The following NAMPT variants were observed in gnomAD, a reference collection of about 807,000 sequenced individuals.
NAMPT encodes NAmPRTase.
In NAMPT, 7 loss-of-function variants were observed where a neutral mutation model predicts 58.7. That is an observed-to-expected ratio of 0.12 (90% CI 0.07 to 0.22). The LOEUF (loss-of-function observed/expected upper bound fraction) is 0.22. Ranked by LOEUF, NAMPT falls within the 10% of genes least tolerant of loss-of-function variation. The pLI, the probability that NAMPT is intolerant of heterozygous loss-of-function variation, is 1.00. For missense variants in NAMPT, 271 were observed against 567.9 expected, an observed-to-expected ratio of 0.48 and a Z score of 5.31; for synonymous variants, 145 against 198.1, an observed-to-expected ratio of 0.73 and a Z score of 2.25.
upstream of NAMPT, chr7:106,285,634 G>C (rs985791629): frequency 1.0e-6 from 1 of 985,152 alleles, no homozygotes. Context: ...GATCCCAGGA[G>C]CTGCGGTGAG....
In NAMPT at chr7:106,268,278, G is replaced by A. The variant is rs969946631; in HGVS notation, c.743+186C>T. On this transcript the variant is annotated intron_variant, in intron 6 of 10. Transcript: ENST00000222553. ...GCTCTTAAACTGTTTCTTCTAGCAT[G>A]GATAAAATTTCTCTGCCTCTCTAAG... 91 of 501,866 alleles carry A rather than the reference G, an allele frequency of 1.8e-4. No individual in the cohort carries two copies. In the Middle Eastern group the frequency reaches 2.1e-3, roughly 12 times the overall value. 31.1% of individuals were successfully genotyped at this position (501,866 alleles called of 1,614,324 possible).
chr7:106,281,738 TAAAC>T (rs1158631840), intron 1 of NAMPT, among the ~76,000 whole-genome samples: 3 of 152,188 alleles, frequency 2.0e-5, no homozygotes, highest in Admixed American at 1.3e-4. Flanking sequence ...TACTCACTCA[TAAAC>T]ATGACTTAAG....
At chr7:106,284,697 G>A (rs894793524) in intron 1 of NAMPT, 131 bp downstream of exon 1, 83 of 1,063,192 alleles carry the variant, frequency 7.8e-5, no homozygotes, top group Non-Finnish European at 9.2e-5. Flanking sequence ...GCCTCCCCCG[G>A]GCCTCCCCGC....
intron 6 of NAMPT, among the ~76,000 whole-genome samples, chr7:106,265,753 G>C (rs1414345182): frequency 6.6e-6 from 1 of 151,910 alleles, no homozygotes; most frequent in Non-Finnish European, 1.5e-5. Flanking sequence ...TATTCTTCTA[G>C]TACAGTATGT....
chr7:106,265,567 TAAAAAAA>T (rs35685666), intron 6 of NAMPT, among the ~76,000 whole-genome samples: 1 of 116,458 alleles, frequency 8.6e-6, no homozygotes, highest in East Asian at 2.3e-4. Context: ...CTCAAAAGCT[TAAAAAAA>T]AAAAAAAAAA....
chr7:106,252,974 AACCT>A, intron 10 of NAMPT, 39 bp downstream of exon 10: 1 of 1,587,452 alleles, frequency 6.3e-7, no homozygotes, highest in Non-Finnish European at 8.6e-7. Context: ...TTGGTGAGCC[AACCT>A]ACTATTGCTT....
chr7:106,265,509 A>C (rs1792392800), intron 6 of NAMPT, among the ~76,000 whole-genome samples: 1 of 148,044 alleles, frequency 6.8e-6, no homozygotes. Context: ...TATTTCTCAT[A>C]GTTCTGACTT....
chr7:106,275,185 C>T (rs757689782), intron 2 of NAMPT, 136 bp from the exon 3 acceptor site: 4 of 507,074 alleles, frequency 7.9e-6, no homozygotes, highest in African/African-American at 3.9e-5. Flanking sequence ...TAAATGCTCA[C>T]CCAGAGTCAA....
At position 106,267,840 on chromosome 7, in the gene NAMPT, C is replaced by CAAAAAAAAAAAAAAAAA. The variant is rs769070307; in HGVS notation, c.743+607_743+623dup. 2.0e-3 allele frequency among the ~76,000 whole-genome samples: 65 copies of CAAAAAAAAAAAAAAAAA among 33,176 alleles called. 10 individuals are homozygous for CAAAAAAAAAAAAAAAAA. Among genetic ancestry groups the CAAAAAAAAAAAAAAAAA allele is most frequent in the Middle Eastern group, 0.019 (1 of 54 alleles). 21.8% of individuals were successfully genotyped at this position (33,176 alleles called of 152,430 possible). On this transcript the variant is annotated intron_variant, in intron 6 of 10. Coordinates refer to ENST00000222553, the MANE Select transcript of NAMPT (RefSeq NM_005746.3). ...TGGGCGACAGAGCGAGACTCCGTCT[C>CAAAAAAAAAAAAAAAAA]AAAAAAAAAAAAAAAAAAAAAAAAA...
chr7:106,284,933 T>G lies in NAMPT; in HGVS notation c.-49A>C. ...CGCGCCGCGAGCTCCCTGGCGCGGC[T>G]GCGAGGAAGGAGAAAAATGAGCTTC... On this transcript the variant is annotated 5_prime_UTR_variant, in exon 1 of 11. Coordinates refer to ENST00000222553, the MANE Select transcript of NAMPT (RefSeq NM_005746.3). The G allele has an allele frequency of 6.4e-7, 1 of 1,559,506 alleles. No individual in the cohort carries two copies.
At chr7:106,261,276 A>C (rs778888588) in intron 8 of NAMPT, among the ~76,000 whole-genome samples, 1 of 152,174 alleles carries the variant, frequency 6.6e-6, no homozygotes, top group African/African-American at 2.4e-5. Context: ...GACCTATGCC[A>C]GCAGAGTCAA....
intron 6 of NAMPT, among the ~76,000 whole-genome samples, chr7:106,268,142 G>C (rs1011918113): frequency 2.6e-5 from 4 of 152,028 alleles, no homozygotes; most frequent in African/African-American, 9.7e-5. Flanking sequence ...GGTACTTACA[G>C]TGAGTGCTTC....
At chr7:106,281,830 G>C (rs1490975156) in intron 1 of NAMPT, among the ~76,000 whole-genome samples, 4 of 152,080 alleles carry the variant, frequency 2.6e-5, no homozygotes, top group African/African-American at 9.7e-5. Flanking sequence ...AAAACCTCTT[G>C]CATGGAGTTT....
intron 1 of NAMPT, among the ~76,000 whole-genome samples, chr7:106,278,229 C>A (rs1792689838): frequency 6.6e-6 from 1 of 151,518 alleles, no homozygotes; most frequent in African/African-American, 2.5e-5. Context: ...CAAGAATCTT[C>A]ATAGCTTAGT....
chr7:106,256,515 T>G lies in NAMPT; in HGVS notation c.1090-2011A>C, dbSNP rs190044007. 9.8e-5 allele frequency among the ~76,000 whole-genome samples: 15 copies of G among 152,338 alleles called. No homozygotes were observed. In the East Asian group the frequency reaches 2.7e-3, roughly 27 times the overall value. On this transcript the variant is annotated intron_variant, in intron 8 of 10. Coordinates refer to ENST00000222553, the MANE Select transcript of NAMPT (RefSeq NM_005746.3). ...TTTCCTGCTTCTAAGAACATATTTT[T>G]CATACCAATGAATGTAAAGAAATTA... is the stretch of plus-strand genomic sequence containing the variant.
chr7:106,281,086 C>T (rs959852126), intron 1 of NAMPT, among the ~76,000 whole-genome samples: 8 of 149,080 alleles, frequency 5.4e-5, no homozygotes, highest in Admixed American at 2.0e-4. Flanking sequence ...TATTTTAATG[C>T]CTAGAACAAA....
chr7:106,276,312 C>T (rs745423308), intron 2 of NAMPT: 1 of 152,062 alleles, frequency 6.6e-6, no homozygotes, highest in South Asian at 2.1e-4. Flanking sequence ...TAAGAAAGCA[C>T]AGAAATTGGG....
At chr7:106,257,110 C>A (rs1430260320) in intron 8 of NAMPT, among the ~76,000 whole-genome samples, 1 of 151,358 alleles carries the variant, frequency 6.6e-6, no homozygotes, top group African/African-American at 2.4e-5. Context: ...TGCCACTGCA[C>A]TCCAGCTTGG....
chr7:106,263,335 T>C lies in NAMPT; in HGVS notation c.969+57A>G, dbSNP rs755454311. 1.1e-5 allele frequency: 13 copies of C among 1,231,278 alleles called. No homozygotes were observed. The African/African-American group carries it at 1.5e-4, about 14-fold the overall frequency. 76.3% of individuals were successfully genotyped at this position (1,231,278 alleles called of 1,614,324 possible). A position where few individuals can be genotyped will look rare whatever the true frequency, so the allele number is the denominator to read the frequency against. ...GTGTGTATATAAATGAAAAGTAGTA[T>C]TGATGCAGCTGGCCTACAGAGGGAT... On this transcript the variant is annotated intron_variant, in intron 7 of 10. Transcript: ENST00000222553.
Sources: allele counts gnomAD v4.1 joint callset (sites outside exome capture counted in the v4.1 genomes callset), GRCh38; gene constraint gnomAD v4.1.1; transcripts MANE v1.5; gene names NCBI Gene and HGNC (gene_info 2026-07-23, HGNC 2026-07-21).